Variants in IL15 observed in about 807,000 individuals in gnomAD.
IL15 encodes the protein interleukin-15.
Under a neutral mutation model 19.6 loss-of-function variants are expected in IL15, and 11 were observed. The ratio of observed to expected loss-of-function variants is 0.56; its 90% confidence interval spans 0.35 to 0.93. IL15 has a LOEUF of 0.93. Ranked by LOEUF, IL15 falls within the 40% of genes least tolerant of loss-of-function variation. The pLI is 0.01. For synonymous variants in IL15, 58 were observed against 59.6 expected (o/e 0.97, Z 0.12); for missense variants, 197 against 186.5 (o/e 1.06, Z -0.33).
chr4:141,637,650 T>C lies in IL15; in HGVS notation c.-222+902T>C, dbSNP rs114313574. ...TCCATGCATTAAAAACTATGTTGACTTCAAAGTATGTCTAAACCAAACTAA... is the reference window on the plus strand; with the variant it reads ...TCCATGCATTAAAAACTATGTTGACCTCAAAGTATGTCTAAACCAAACTAA... On this transcript the variant is annotated intron_variant, in intron 1 of 7. Transcript: ENST00000320650. Among the ~76,000 whole-genome samples the C allele has an allele frequency of 2.6e-3, 394 of 152,316 alleles. 5 individuals are homozygous for C. Among genetic ancestry groups the C allele is most frequent in the African/African-American group, 8.9e-3 (371 of 41,572 alleles).
chr4:141,680,030 G>C (rs1181665335), intron 2 of IL15, among the ~76,000 whole-genome samples: 1 of 152,200 alleles, frequency 6.6e-6, no homozygotes, highest in Non-Finnish European at 1.5e-5. Context: ...AGTACGTAGA[G>C]AACAAAAAGT....
At chr4:141,712,312 G>A (rs950970721) in intron 2 of IL15, among the ~76,000 whole-genome samples, 3 of 151,960 alleles carry the variant, frequency 2.0e-5, no homozygotes, top group Admixed American at 1.3e-4. Context: ...GATTGTTTCC[G>A]GACAGTAGGT....
At chr4:141,668,312 G>T (rs1308436649) in intron 2 of IL15, among the ~76,000 whole-genome samples, 1 of 151,564 alleles carries the variant, frequency 6.6e-6, no homozygotes, top group Non-Finnish European at 1.5e-5. Flanking sequence ...GATGTGGTGG[G>T]TTCAGCTTCC....
chr4:141,661,145 C>T (rs1238662906), intron 2 of IL15, among the ~76,000 whole-genome samples: 5 of 152,076 alleles, frequency 3.3e-5, no homozygotes, highest in Non-Finnish European at 7.4e-5. Context: ...AAATCCAGAA[C>T]GTGTTACTGT....
At chr4:141,673,002 T>C (rs1352090048) in intron 2 of IL15, among the ~76,000 whole-genome samples, 1 of 152,212 alleles carries the variant, frequency 6.6e-6, no homozygotes, top group Non-Finnish European at 1.5e-5. Flanking sequence ...CCCAGTATCA[T>C]GTAGCTGCTG....
intron 2 of IL15, among the ~76,000 whole-genome samples, chr4:141,694,027 A>T (rs1289701048): frequency 6.6e-6 from 1 of 152,314 alleles, no homozygotes; most frequent in Non-Finnish European, 1.5e-5. Context: ...CAATTAATGG[A>T]ACAATGGTGT....
intron 2 of IL15, among the ~76,000 whole-genome samples, chr4:141,708,404 C>A (rs181667547): frequency 5.3e-4 from 81 of 152,174 alleles, no homozygotes; most frequent in African/African-American, 2.0e-3. Flanking sequence ...TTTTAAGAAG[C>A]CATTGAGCTC....
chr4:141,651,381 G>A (rs997317040), intron 1 of IL15, among the ~76,000 whole-genome samples: 9 of 152,034 alleles, frequency 5.9e-5, no homozygotes, highest in Non-Finnish European at 1.2e-4. Context: ...TAAGTGATGT[G>A]TACACATGGA....
intron 2 of IL15, among the ~76,000 whole-genome samples, chr4:141,679,027 T>C (rs934298007): frequency 2.6e-5 from 4 of 152,212 alleles, no homozygotes; most frequent in African/African-American, 9.6e-5. Flanking sequence ...TTGCCTCCAT[T>C]AAGAAAATGA....
At chr4:141,698,042 A>G (rs1729159862) in intron 2 of IL15, among the ~76,000 whole-genome samples, 1 of 152,076 alleles carries the variant, frequency 6.6e-6, no homozygotes, top group Non-Finnish European at 1.5e-5. Context: ...GGTTTTAATT[A>G]TAAAGGGATG....
At chr4:141,701,443 T>C (rs879810607) in intron 2 of IL15, among the ~76,000 whole-genome samples, 2 of 152,226 alleles carry the variant, frequency 1.3e-5, no homozygotes, top group Non-Finnish European at 2.9e-5. Context: ...ATGTTGTTTG[T>C]AGTAGTTATG....
intron 2 of IL15, among the ~76,000 whole-genome samples, chr4:141,705,336 C>G (rs573582052): frequency 6.6e-6 from 1 of 151,684 alleles, no homozygotes; most frequent in African/African-American, 2.4e-5. Flanking sequence ...CTCATTGACC[C>G]ATTGGTTATT....
chr4:141,733,265 G>A lies in IL15; in HGVS notation c.*417G>A. ...AATGCTGCAGGTCAACAGCTATGCT[G>A]GTAGGCTCCTGCCAGTGTGGAACCA... On this transcript the variant is annotated 3_prime_UTR_variant, in exon 8 of 8. Coordinates refer to ENST00000320650, the MANE Select transcript of IL15 (RefSeq NM_000585.5). The A allele has an allele frequency of 6.2e-6, 1 of 160,810 alleles. No homozygotes were observed. 10.0% of individuals were successfully genotyped at this position (160,810 alleles called of 1,614,324 possible).
At chr4:141,653,308 T>C (rs1475811067) in intron 1 of IL15, among the ~76,000 whole-genome samples, 1 of 152,202 alleles carries the variant, frequency 6.6e-6, no homozygotes, top group East Asian at 1.9e-4. Context: ...CATAGTTTTT[T>C]CCCAAATTTT....
intron 5 of IL15, 149 bp from the exon 6 acceptor site, chr4:141,727,791 T>C: frequency 1.7e-6 from 1 of 585,884 alleles, no homozygotes; most frequent in Non-Finnish European, 3.0e-6. Flanking sequence ...AGGATCTCTC[T>C]GTATTTACTC....
chr4:141,730,493 G>A (rs1051546391), intron 7 of IL15, among the ~76,000 whole-genome samples: 5 of 152,110 alleles, frequency 3.3e-5, no homozygotes, highest in Non-Finnish European at 5.9e-5. Flanking sequence ...TGGATCACTC[G>A]CTTCAGTTCA....
At chr4:141,688,165 C>G (rs1728770364) in intron 2 of IL15, among the ~76,000 whole-genome samples, 2 of 152,248 alleles carry the variant, frequency 1.3e-5, no homozygotes, top group South Asian at 2.1e-4. Context: ...CTTCAGAGTT[C>G]CACAAAGTCT....
At chr4:141,673,706 C>G (rs1336909118) in intron 2 of IL15, among the ~76,000 whole-genome samples, 1 of 152,158 alleles carries the variant, frequency 6.6e-6, no homozygotes, top group African/African-American at 2.4e-5. Flanking sequence ...AGTTTGCCAC[C>G]TTTCCTTAAT....
Position 141,641,842 on chromosome 4 carries a change from TAA to T in IL15, c.-222+5105_-222+5106del, listed in dbSNP as rs921435170. 3.5e-5 allele frequency among the ~76,000 whole-genome samples: 5 copies of T among 142,032 alleles called. No individual in the cohort carries two copies. In the East Asian group the frequency reaches 8.2e-4, roughly 23 times the overall value. The allele number at this position is 142,032 out of a possible 152,430, so 93.2% of individuals were successfully genotyped here. A position where few individuals can be genotyped will look rare whatever the true frequency, so the allele number is the denominator to read the frequency against. On this transcript the variant is annotated intron_variant, in intron 1 of 7. Transcript: ENST00000320650. ...GTACCCTAGAACTTAAAGTATAATT[TAA>T]AAAAAAAAAAGCCGCAATGTGGTTT...
Sources: gnomAD v4.1 joint callset for allele counts (sites outside exome capture counted in the v4.1 genomes callset) on GRCh38, gnomAD v4.1.1 for gene constraint, MANE v1.5 for transcripts, NCBI Gene and HGNC (gene_info 2026-07-23, HGNC 2026-07-21) for gene names.